The following UNC79 variants were observed in gnomAD, a reference collection of about 807,000 sequenced individuals.
UNC79 encodes the protein protein unc-79 homolog.
A neutral mutation model predicts 283.1 loss-of-function variants in UNC79; 37 were observed. The observed-to-expected ratio is 0.13, with a 90% CI of 0.10 to 0.17. UNC79 has a LOEUF of 0.17. Ranked by LOEUF, UNC79 falls within the 10% of genes least tolerant of loss-of-function variation. The probability of loss-of-function intolerance (pLI) is 1.00; values close to 1 mark genes in which losing one functional copy is unlikely to be tolerated. For missense variants in UNC79, 2,272 were observed against 3,211.1 expected (o/e 0.71, Z 7.07); for synonymous variants, 1,107 against 1,200.2 (o/e 0.92, Z 1.61).
intron 14 of UNC79, among the ~76,000 whole-genome samples, chr14:93,543,597 C>T (rs951657548): frequency 2.6e-5 from 4 of 151,988 alleles, no homozygotes; most frequent in Non-Finnish European, 5.9e-5. Flanking sequence ...AGACTCTTGG[C>T]CTCCAGCGAT....
chr14:93,658,959 T>C (rs766183211), intron 38 of UNC79, among the ~76,000 whole-genome samples: 1 of 152,196 alleles, frequency 6.6e-6, no homozygotes, highest in Non-Finnish European at 1.5e-5. Flanking sequence ...AAAAATACTT[T>C]AGGAGCTGTG....
At chr14:93,578,242 T>C (rs1441661874) in intron 18 of UNC79, among the ~76,000 whole-genome samples, 179 bp downstream of exon 18, 1 of 152,228 alleles carries the variant, frequency 6.6e-6, no homozygotes, top group Non-Finnish European at 1.5e-5. Flanking sequence ...CTTATGTGAA[T>C]ATCTGCAGTG....
chr14:93,516,458 G>C (rs1449559159), intron 7 of UNC79, among the ~76,000 whole-genome samples: 6 of 116,524 alleles, frequency 5.1e-5, no homozygotes, highest in Non-Finnish European at 8.7e-5. Context: ...TTTGGGGGGG[G>C]GGGTGGGGGA....
chr14:93,410,686 T>C (rs1212727306), intron 1 of UNC79, among the ~76,000 whole-genome samples: 1 of 152,114 alleles, frequency 6.6e-6, no homozygotes, highest in East Asian at 1.9e-4. Context: ...TCCTGGATTA[T>C]ATTTCTAGCA....
chr14:93,702,773 A>G (rs1212228613), intron 47 of UNC79, among the ~76,000 whole-genome samples: 1 of 152,064 alleles, frequency 6.6e-6, no homozygotes, highest in Non-Finnish European at 1.5e-5. Context: ...GAAAGAGCAG[A>G]CTCATCCTCA....
intron 24 of UNC79, among the ~76,000 whole-genome samples, chr14:93,598,453 T>C (rs1403250112): frequency 6.6e-6 from 1 of 151,972 alleles, no homozygotes; most frequent in African/African-American, 2.4e-5. Context: ...ACCACTTAGC[T>C]AGCTCCTGGG....
At chr14:93,582,488 C>G in intron 20 of UNC79, 144 bp downstream of exon 20, 1 of 1,232,870 alleles carries the variant, frequency 8.1e-7, no homozygotes, top group Non-Finnish European at 1.1e-6. Flanking sequence ...CATCTCCCAG[C>G]GGATTATAAA....
intron 35 of UNC79, among the ~76,000 whole-genome samples, chr14:93,647,301 G>A (rs1402854769): frequency 6.6e-6 from 1 of 152,132 alleles, no homozygotes; most frequent in Non-Finnish European, 1.5e-5. Context: ...GAGAAAATAA[G>A]CAAATTAACC....
Position 93,688,857 on chromosome 14 carries a change from T to G in UNC79, c.7085+17T>G. Reference sequence around the variant, plus strand: ...GCAGCAAGGGTAAGACCCTTACTATTCCGGGAATGAGGGTAAAGAAGGCAG... The same window carrying G: ...GCAGCAAGGGTAAGACCCTTACTATGCCGGGAATGAGGGTAAAGAAGGCAG... On this transcript the variant is annotated intron_variant, in intron 44 of 48. Coordinates refer to ENST00000555664, the Ensembl canonical transcript of UNC79. The surrounding 1 kb of genome is among the most constrained non-coding windows in gnomAD (Gnocchi z 4.0). 1 of 1,608,456 alleles carries G rather than the reference T, an allele frequency of 6.2e-7. No homozygotes were observed. The highest frequency in any genetic ancestry group is 8.5e-7 in the Non-Finnish European group (1 of 1,176,968).
intron 30 of UNC79, among the ~76,000 whole-genome samples, chr14:93,625,314 G>A (rs72692919): frequency 0.036 from 5,552 of 152,214 alleles, 191 homozygotes; most frequent in Admixed American, 0.11. Context: ...CTCAGATCAC[G>A]GCACCCACTA....
intron 8 of UNC79, 30 bp from the exon 9 acceptor site, chr14:93,528,528 G>A (rs1457975245): frequency 3.1e-6 from 5 of 1,599,182 alleles, no homozygotes; most frequent in Non-Finnish European, 4.3e-6. Context: ...AGGAACAGGA[G>A]AGTTCATTCT....
chr14:93,483,654 G>A (rs1273999550), intron 4 of UNC79, among the ~76,000 whole-genome samples: 3 of 151,316 alleles, frequency 2.0e-5, no homozygotes, highest in African/African-American at 7.3e-5. Context: ...TTTACATTAG[G>A]TATATCACCT....
At chr14:93,478,655 AC>A (rs1464323208) in intron 4 of UNC79, among the ~76,000 whole-genome samples, 1 of 152,224 alleles carries the variant, frequency 6.6e-6, no homozygotes, top group Non-Finnish European at 1.5e-5. Context: ...AAGATGGTTA[AC>A]TTGGAACATT....
At chr14:93,613,652 G>A (rs1230920732) in intron 27 of UNC79, among the ~76,000 whole-genome samples, 1 of 152,074 alleles carries the variant, frequency 6.6e-6, no homozygotes, top group Non-Finnish European at 1.5e-5. Flanking sequence ...CTGACCTCGT[G>A]ATCCGCCCAT....
At chr14:93,575,298 T>C (rs1299482399) in intron 17 of UNC79, 100 bp downstream of exon 17, 1 of 1,486,452 alleles carries the variant, frequency 6.7e-7, no homozygotes, top group Non-Finnish European at 9.2e-7. Flanking sequence ...AAACCAAAAA[T>C]GTGTTTTCAG....
chr14:93,686,096 A>C (rs893841511), intron 42 of UNC79, among the ~76,000 whole-genome samples: 4 of 152,208 alleles, frequency 2.6e-5, no homozygotes, highest in Admixed American at 6.5e-5. Flanking sequence ...ATGCTTGTTT[A>C]TGTACTTTTT....
chr14:93,691,829 C>T (rs747202591), exon 46 of UNC79: 37 of 1,614,056 alleles, frequency 2.3e-5, no homozygotes, highest in Admixed American at 3.3e-5. Flanking sequence ...AGCAAAGTGC[C>T]GTCGCTACAA....
At chr14:93,432,336 T>C (rs2055913197) in intron 1 of UNC79, among the ~76,000 whole-genome samples, 1 of 152,214 alleles carries the variant, frequency 6.6e-6, no homozygotes, top group Non-Finnish European at 1.5e-5. Context: ...ATCCGGAAGA[T>C]CTGAGTTTCA....
At chr14:93,519,561 C>A (rs2060226405) in intron 7 of UNC79, among the ~76,000 whole-genome samples, 2 of 151,798 alleles carry the variant, frequency 1.3e-5, no homozygotes, top group Non-Finnish European at 3.0e-5. Flanking sequence ...TGAAGCCTAT[C>A]ATGATACACT....
Sources: allele counts gnomAD v4.1 joint callset (sites outside exome capture counted in the v4.1 genomes callset), GRCh38; gene constraint gnomAD v4.1.1; non-coding constraint Gnocchi (gnomAD v3.1); transcripts MANE v1.5; gene names NCBI Gene and HGNC (gene_info 2026-07-23, HGNC 2026-07-21).